Variants in FBN2 observed in about 807,000 individuals in gnomAD.
FBN2 encodes fibrillin-2.
FBN2 carries 105 observed loss-of-function variants against 355.6 expected under a neutral mutation model. That is an observed-to-expected ratio of 0.30 (90% CI 0.25 to 0.35). FBN2 has a LOEUF of 0.35. FBN2 is among the 10% of genes least tolerant of loss of function. The probability of loss-of-function intolerance (pLI) is 1.00; values close to 1 mark genes in which losing one functional copy is unlikely to be tolerated. For synonymous variants in FBN2, 1,350 were observed against 1,301.2 expected, an observed-to-expected ratio of 1.04 and a Z score of -0.81; for missense variants, 3,280 against 3,758.7, an observed-to-expected ratio of 0.87 and a Z score of 3.33.
intron 15 of FBN2, among the ~76,000 whole-genome samples, chr5:128,369,695 T>C (rs1751881069): frequency 6.6e-6 from 1 of 152,210 alleles, no homozygotes; most frequent in Non-Finnish European, 1.5e-5. Flanking sequence ...ATGACACTTC[T>C]TATTTCAATT....
chr5:128,422,035 G>A lies in FBN2; in HGVS notation c.953-13236C>T, dbSNP rs376928969. On this transcript the variant is annotated intron_variant, in intron 7 of 64. Transcript: ENST00000262464. Reference sequence around the variant, plus strand: ...ATGCTACACTACTGGCTTTAAAGATGGAAGAGGCCACAAGCCAAGGAACGA... The same window carrying A: ...ATGCTACACTACTGGCTTTAAAGATAGAAGAGGCCACAAGCCAAGGAACGA... Among the ~76,000 whole-genome samples, 77 of 152,248 alleles carry A rather than the reference G, an allele frequency of 5.1e-4. 1 individual carries two copies. The highest frequency in any genetic ancestry group is 1.7e-3 in the African/African-American group (71 of 41,568).
At chr5:128,492,934 C>A (rs1386761498) in intron 5 of FBN2, among the ~76,000 whole-genome samples, 2 of 150,720 alleles carry the variant, frequency 1.3e-5, no homozygotes, top group Non-Finnish European at 3.0e-5. Context: ...AAAATCAATG[C>A]TCAGTGCAAA....
At chr5:128,506,754 C>T (rs1755972979) in intron 5 of FBN2, among the ~76,000 whole-genome samples, 1 of 151,954 alleles carries the variant, frequency 6.6e-6, no homozygotes, top group South Asian at 2.1e-4. Flanking sequence ...TTGGAAATGC[C>T]CTTCTTTCAT....
At position 128,338,916 on chromosome 5, in the gene FBN2, G is replaced by A; in HGVS notation, c.3472+17C>T. 2 of 1,613,492 alleles carry A rather than the reference G, an allele frequency of 1.2e-6. No homozygotes were observed. The highest frequency in any genetic ancestry group is 1.7e-6 in the Non-Finnish European group (2 of 1,179,546). ...AGTATGGTTTCAAGCTGGCGAGGAA[G>A]AGCTCACGGTGCTTACCCATGCAGT... On this transcript the variant is annotated intron_variant, in intron 26 of 64. Transcript: ENST00000262464.
chr5:128,523,664 T>A (rs1427227879), intron 4 of FBN2, among the ~76,000 whole-genome samples: 1 of 152,062 alleles, frequency 6.6e-6, no homozygotes, highest in Non-Finnish European at 1.5e-5. Flanking sequence ...GCCCCACCAC[T>A]CCTTACCCAA....
chr5:128,311,037 T>A (rs1750041279), intron 39 of FBN2, among the ~76,000 whole-genome samples: 1 of 152,156 alleles, frequency 6.6e-6, no homozygotes. Context: ...TTACTTAATA[T>A]TTTAGGTTTT....
intron 36 of FBN2, among the ~76,000 whole-genome samples, chr5:128,313,577 G>A (rs1581209152): frequency 6.6e-6 from 1 of 150,634 alleles, no homozygotes; most frequent in African/African-American, 2.4e-5. Flanking sequence ...CATCATTTTT[G>A]ACTCCTTACT....
At chr5:128,307,282 A>G (rs979771549) in intron 41 of FBN2, 79 bp from the exon 42 acceptor site, 4 of 859,492 alleles carry the variant, frequency 4.7e-6, no homozygotes, top group Admixed American at 3.4e-5. Flanking sequence ...ACTTTCACAA[A>G]CAAATATATT....
intron 8 of FBN2, among the ~76,000 whole-genome samples, chr5:128,401,325 T>A (rs1355201487): frequency 1.3e-5 from 2 of 152,210 alleles, no homozygotes; most frequent in Admixed American, 1.3e-4. Context: ...ATGATTCACA[T>A]TTATGAATAT....
rs2126892048 is a variant in FBN2 at position 128,332,941 on chromosome 5, C to A, written c.4193G>T (p.Gly1398Val). 6.2e-7 allele frequency: 1 copy of A among 1,613,996 alleles called. No individual in the cohort carries two copies. Among genetic ancestry groups the A allele is most frequent in the East Asian group, 2.2e-5 (1 of 44,874 alleles). Residue 1398 changes from glycine to valine, a missense_variant, in exon 32 of 65, where the codon GGC becomes GTC. Physicochemically the swap from Gly to Val is moderately radical, Grantham distance 109. Transcript: ENST00000262464. ...PGSFKCSCRE[G>V]WIGNGIKCID... is the part of the protein sequence containing the mutation. ...ACACTTGATGCCGTTTCCAATCCAG[C>A]CTTCTCTGCAGCTACACTTGAAGCT...
At chr5:128,424,265 C>T (rs1017970841) in intron 7 of FBN2, among the ~76,000 whole-genome samples, 7 of 152,060 alleles carry the variant, frequency 4.6e-5, no homozygotes, top group Admixed American at 4.6e-4. Context: ...TGCAAAAGGT[C>T]CATCTGGTGA....
At chr5:128,267,408 C>T (rs1201956633) in intron 62 of FBN2, among the ~76,000 whole-genome samples, 3 of 152,176 alleles carry the variant, frequency 2.0e-5, no homozygotes, top group East Asian at 1.9e-4. Flanking sequence ...CTGTCTTCAA[C>T]AATGGTTGAA....
In FBN2 at chr5:128,288,452, A is replaced by G. The variant is rs1749220595; in HGVS notation, c.6743T>C (p.Met2248Thr). Residue 2248 changes from methionine (M) to threonine (T), a missense_variant, in exon 53 of 65, where the codon ATG (methionine) becomes ACG (threonine). Around this residue, in one of 6 missense-constraint regions of FBN2, gnomAD observed 2,284 missense variants for 2,749.5 expected, o/e 0.83. Coordinates refer to ENST00000262464, the MANE Select transcript of FBN2 (RefSeq NM_001999.4). ...NCNEGFEPGP[M>T]MNCEDINECA... ...AGATCACTTGCCTTCACAATTCATC[A>G]TGGGCCCTGGCTCAAAGCCTTCATT... The G allele has an allele frequency of 1.2e-6, 2 of 1,614,102 alleles. No individual in the cohort carries two copies. The highest frequency in any genetic ancestry group is 8.5e-7 in the Non-Finnish European group (1 of 1,179,980).
intron 5 of FBN2, among the ~76,000 whole-genome samples, chr5:128,482,117 T>C (rs1755209612): frequency 6.6e-6 from 1 of 152,114 alleles, no homozygotes; most frequent in Non-Finnish European, 1.5e-5. Flanking sequence ...TCAACAAAAA[T>C]GGATATATAG....
intron 5 of FBN2, among the ~76,000 whole-genome samples, chr5:128,502,661 T>C (rs1273418928): frequency 6.6e-6 from 1 of 152,210 alleles, no homozygotes; most frequent in Non-Finnish European, 1.5e-5. Flanking sequence ...GATTGTATAA[T>C]GTTGGTAAAT....
intron 33 of FBN2, among the ~76,000 whole-genome samples, chr5:128,329,265 G>T (rs1160039734): frequency 6.6e-6 from 1 of 152,044 alleles, no homozygotes. Flanking sequence ...GCAAATTAAA[G>T]ACACTATGGG....
intron 15 of FBN2, among the ~76,000 whole-genome samples, chr5:128,374,223 T>A (rs1296365222): frequency 6.6e-6 from 1 of 152,192 alleles, no homozygotes; most frequent in East Asian, 1.9e-4. Flanking sequence ...ACAATTTACA[T>A]ACCATAGAAT....
chr5:128,356,587 G>A (rs1751510480), intron 20 of FBN2, among the ~76,000 whole-genome samples: 2 of 152,202 alleles, frequency 1.3e-5, no homozygotes, highest in African/African-American at 4.8e-5. Flanking sequence ...CTAGAAGTAG[G>A]GAAAAATTAC....
chr5:128,293,584 A>C (rs570712344), intron 48 of FBN2, among the ~76,000 whole-genome samples: 1 of 152,364 alleles, frequency 6.6e-6, no homozygotes, highest in African/African-American at 2.4e-5. Context: ...AATATTTCTG[A>C]AACTTAATAA....
Sources: gnomAD v4.1 joint callset for allele counts (sites outside exome capture counted in the v4.1 genomes callset) on GRCh38, gnomAD v4.1.1 for gene constraint, gnomAD v4.1.1 regional missense constraint, MANE v1.5 for transcripts, NCBI Gene and HGNC (gene_info 2026-07-23, HGNC 2026-07-21) for gene names.